Variants in SNX30 observed in about 807,000 individuals in gnomAD.
SNX30 encodes the protein sorting nexin-30.
SNX30 carries 24 observed loss-of-function variants against 46.4 expected under a neutral mutation model. That is an observed-to-expected ratio of 0.52 (90% CI 0.37 to 0.73). The LOEUF is 0.73. SNX30 is among the 30% of genes least tolerant of loss of function. The pLI is 0.00. For missense variants in SNX30, 533 were observed against 555.7 expected (o/e 0.96, Z 0.41); for synonymous variants, 189 against 211.5 (o/e 0.89, Z 0.92).
chr9:112,833,639 C>A (rs1840703687), intron 4 of SNX30, among the ~76,000 whole-genome samples: 1 of 152,132 alleles, frequency 6.6e-6, no homozygotes, highest in South Asian at 2.1e-4. Context: ...TAACTTTATT[C>A]AACATGTAAA....
intron 2 of SNX30, among the ~76,000 whole-genome samples, chr9:112,807,204 T>C (rs1210064199): frequency 6.6e-6 from 1 of 151,932 alleles, no homozygotes; most frequent in Non-Finnish European, 1.5e-5. Flanking sequence ...TAGCTGGGAC[T>C]ACAGATGTAT....
chr9:112,830,434 G>A (rs1043384454), intron 3 of SNX30, among the ~76,000 whole-genome samples: 48 of 150,944 alleles, frequency 3.2e-4, no homozygotes, highest in Non-Finnish European at 6.3e-4. Context: ...ATCATATCAC[G>A]TGTACATCAA....
chr9:112,779,065 A>G (rs1440272790), intron 1 of SNX30, among the ~76,000 whole-genome samples: 1 of 152,366 alleles, frequency 6.6e-6, no homozygotes, highest in East Asian at 1.9e-4. Context: ...ACTTGGGGGA[A>G]TTACTGATGG....
intron 1 of SNX30, among the ~76,000 whole-genome samples, chr9:112,753,083 T>A (rs1839301207): frequency 1.3e-5 from 2 of 152,154 alleles, no homozygotes; most frequent in Admixed American, 1.3e-4. Context: ...ACTGGTACAA[T>A]GTGGGGAGAG....
chr9:112,768,647 CTT>C lies in SNX30; in HGVS notation c.156+17517_156+17518del, dbSNP rs58983756. The stretch of plus-strand genomic sequence containing the variant: ...AAGTTTCTCTAGATAATTCTTTCTT[CTT>C]TTTTTTTTTTTTTTTTTTTTTTTTT... On this transcript the variant is annotated intron_variant, in intron 1 of 8. Transcript: ENST00000374232. Among the ~76,000 whole-genome samples, 56 of 64,354 alleles carry C rather than the reference CTT, an allele frequency of 8.7e-4. 2 individuals carry two copies. Among genetic ancestry groups the C allele is most frequent in the East Asian group, 7.2e-3 (18 of 2,492 alleles). 42.2% of individuals were successfully genotyped at this position (64,354 alleles called of 152,430 possible). A position where few individuals can be genotyped will look rare whatever the true frequency, so the allele number is the denominator to read the frequency against.
intron 7 of SNX30, among the ~76,000 whole-genome samples, chr9:112,859,320 A>G (rs1315057440): frequency 6.6e-6 from 1 of 152,200 alleles, no homozygotes; most frequent in Non-Finnish European, 1.5e-5. Context: ...ACATACATAC[A>G]CATACATATA....
chr9:112,764,174 A>G (rs1839492729), intron 1 of SNX30, among the ~76,000 whole-genome samples: 1 of 152,194 alleles, frequency 6.6e-6, no homozygotes, highest in Non-Finnish European at 1.5e-5. Context: ...TACATGTCTT[A>G]CAAATGGACA....
At chr9:112,772,660 A>G (rs1839671467) in intron 1 of SNX30, among the ~76,000 whole-genome samples, 1 of 152,180 alleles carries the variant, frequency 6.6e-6, no homozygotes, top group Non-Finnish European at 1.5e-5. Context: ...TGCTGTACCC[A>G]GTACTGAGTG....
chr9:112,781,814 G>A (rs908617602), intron 1 of SNX30, among the ~76,000 whole-genome samples: 4 of 130,814 alleles, frequency 3.1e-5, no homozygotes, highest in Non-Finnish European at 4.9e-5. Context: ...TTTTTTTTTT[G>A]TATATTTAGT....
At chr9:112,840,237 G>A (rs2131462956) in intron 6 of SNX30, among the ~76,000 whole-genome samples, 1 of 152,322 alleles carries the variant, frequency 6.6e-6, no homozygotes, top group South Asian at 2.1e-4. Flanking sequence ...ATAGGATAAA[G>A]TCAGATTTGA....
At chr9:112,771,776 A>G (rs559178115) in intron 1 of SNX30, among the ~76,000 whole-genome samples, 2 of 152,360 alleles carry the variant, frequency 1.3e-5, no homozygotes, top group East Asian at 3.9e-4. Flanking sequence ...CCACATTTTC[A>G]TAACTGCTCA....
At chr9:112,762,076 C>T (rs1369022355) in intron 1 of SNX30, among the ~76,000 whole-genome samples, 1 of 152,068 alleles carries the variant, frequency 6.6e-6, no homozygotes, top group Non-Finnish European at 1.5e-5. Context: ...AACAGCCTGG[C>T]CAACAGGCGC....
At chr9:112,780,632 A>G (rs773508978) in intron 1 of SNX30, among the ~76,000 whole-genome samples, 6 of 152,160 alleles carry the variant, frequency 3.9e-5, no homozygotes, top group Non-Finnish European at 8.8e-5. Context: ...GCCATCATGC[A>G]TAGAATTTAA....
chr9:112,822,140 C>T (rs1840508289), intron 3 of SNX30, among the ~76,000 whole-genome samples: 1 of 151,726 alleles, frequency 6.6e-6, no homozygotes, highest in Non-Finnish European at 1.5e-5. Context: ...TCTCAAACTC[C>T]TGGCCTCAAG....
chr9:112,817,401 CTTTTTTTTTTTTT>C (rs56856142), intron 2 of SNX30, among the ~76,000 whole-genome samples: 5 of 46,834 alleles, frequency 1.1e-4, no homozygotes, highest in African/African-American at 1.9e-4. Flanking sequence ...AAAAAACTGG[CTTTTTTTTTTTTT>C]TTTTTTTTTT....
chr9:112,838,458 T>A (rs749705843), intron 5 of SNX30, 40 bp from the exon 6 acceptor site: 2 of 1,560,606 alleles, frequency 1.3e-6, no homozygotes, highest in Non-Finnish European at 1.7e-6. Flanking sequence ...CAGCAACTGC[T>A]ACCCAGCCAG....
chr9:112,837,944 G>A (rs1272077896), intron 5 of SNX30, among the ~76,000 whole-genome samples: 1 of 137,480 alleles, frequency 7.3e-6, no homozygotes, highest in African/African-American at 2.8e-5. Context: ...AGGCTAGAGT[G>A]CAGTGGAGTG....
chr9:112,842,173 C>A lies in SNX30; in HGVS notation c.1014+3476C>A, dbSNP rs149805221. Among the ~76,000 whole-genome samples, 1,049 of 152,324 alleles carry A rather than the reference C, an allele frequency of 6.9e-3. 8 individuals carry two copies. Among genetic ancestry groups the A allele is most frequent in the Non-Finnish European group, 0.011 (744 of 68,026 alleles). On this transcript the variant is annotated intron_variant, in intron 6 of 8. Transcript: ENST00000374232. ...GGCCAGGCTGGTCTCAAACTCCTGA[C>A]CTCAAGTGATCTGCCTGCCCTGGCC...
chr9:112,762,366 C>T (rs1363542316), intron 1 of SNX30, among the ~76,000 whole-genome samples: 1 of 151,960 alleles, frequency 6.6e-6, no homozygotes, highest in Non-Finnish European at 1.5e-5. Flanking sequence ...CCCTATAGCT[C>T]GTGAGCATAT....
Sources: allele counts gnomAD v4.1 joint callset (sites outside exome capture counted in the v4.1 genomes callset), GRCh38; gene constraint gnomAD v4.1.1; transcripts MANE v1.5; gene names NCBI Gene and HGNC (gene_info 2026-07-23, HGNC 2026-07-21).